Variants in GALNT13 observed in about 807,000 individuals in gnomAD.
GALNT13 encodes the protein UDP-GalNAc:polypeptide N-acetylgalactosaminyltransferase 13.
In GALNT13, 28 loss-of-function variants were observed where a neutral mutation model predicts 64.2. The ratio of observed to expected loss-of-function variants is 0.44; its 90% confidence interval spans 0.32 to 0.60. The LOEUF (loss-of-function observed/expected upper bound fraction) is 0.60, where lower values mean the gene tolerates loss of function less well. GALNT13 is among the 20% of genes least tolerant of loss of function. GALNT13 has a pLI of 0.05. For synonymous variants in GALNT13, 214 were observed against 224.6 expected (o/e 0.95, Z 0.42); for missense variants, 577 against 669.8 (o/e 0.86, Z 1.53).
chr2:153,456,880 G>T, the GALNT13 span, among the ~76,000 whole-genome samples: 1 of 152,178 alleles, frequency 6.6e-6, no homozygotes, highest in African/African-American at 2.4e-5. Flanking sequence ...TGAATGCAGG[G>T]TCCAGGCGGA....
the GALNT13 span, among the ~76,000 whole-genome samples, chr2:153,653,354 C>G: frequency 6.6e-6 from 1 of 152,092 alleles, no homozygotes; most frequent in Non-Finnish European, 1.5e-5. Context: ...ATGGCGAGAC[C>G]TTCATAAACC....
intron 3 of GALNT13, among the ~76,000 whole-genome samples, chr2:153,977,707 C>T (rs1209074199): frequency 6.6e-6 from 1 of 152,120 alleles, no homozygotes; most frequent in Non-Finnish European, 1.5e-5. Context: ...TAGAGAAATG[C>T]AAAATCTCAA....
At chr2:153,342,245 T>C in the GALNT13 span, among the ~76,000 whole-genome samples, 2 of 152,324 alleles carry the variant, frequency 1.3e-5, no homozygotes, top group Admixed American at 6.5e-5. Flanking sequence ...ATGGCGACTG[T>C]TGTCTATTTA....
chr2:153,215,641 C>T, the GALNT13 span, among the ~76,000 whole-genome samples: 1 of 151,974 alleles, frequency 6.6e-6, no homozygotes, highest in African/African-American at 2.4e-5. Flanking sequence ...CTGATGCTTT[C>T]TCTAGTATTC....
chr2:153,955,593 C>T (rs1339120906), intron 3 of GALNT13, among the ~76,000 whole-genome samples: 1 of 152,158 alleles, frequency 6.6e-6, no homozygotes, highest in African/African-American at 2.4e-5. Context: ...TAACCTTGTT[C>T]TTTACGAAAA....
intron 4 of GALNT13, among the ~76,000 whole-genome samples, chr2:154,216,426 G>A (rs567068343): frequency 1.2e-4 from 19 of 152,122 alleles, no homozygotes; most frequent in African/African-American, 3.9e-4. Flanking sequence ...AATTTAAGAC[G>A]TTGGTGAAGA....
At chr2:154,255,806 C>T (rs760969372) in intron 7 of GALNT13, among the ~76,000 whole-genome samples, 5 of 152,022 alleles carry the variant, frequency 3.3e-5, no homozygotes, top group East Asian at 3.9e-4. Flanking sequence ...AATCCCAGCA[C>T]GTTGAGAGGC....
At chr2:153,574,604 T>C in the GALNT13 span, among the ~76,000 whole-genome samples, 1 of 152,286 alleles carries the variant, frequency 6.6e-6, no homozygotes, top group Admixed American at 6.5e-5. Flanking sequence ...TCAGTAGTTC[T>C]TTCTTCTGCC....
the GALNT13 span, among the ~76,000 whole-genome samples, chr2:153,174,361 T>G: frequency 6.6e-6 from 1 of 152,190 alleles, no homozygotes; most frequent in Non-Finnish European, 1.5e-5. Flanking sequence ...AGGATGGCAG[T>G]GTTTATGCTG....
At chr2:154,312,049 G>A in intron 9 of GALNT13, among the ~76,000 whole-genome samples, 1 of 152,072 alleles carries the variant, frequency 6.6e-6, no homozygotes. Context: ...AGGGTCCTGA[G>A]ACGATATACA....
the GALNT13 span, among the ~76,000 whole-genome samples, chr2:153,713,101 A>G: frequency 6.6e-6 from 1 of 152,220 alleles, no homozygotes; most frequent in Non-Finnish European, 1.5e-5. Context: ...AACAAAGTAT[A>G]TGGCAGATAC....
chr2:153,411,094 C>G, the GALNT13 span, among the ~76,000 whole-genome samples: 21 of 151,476 alleles, frequency 1.4e-4, no homozygotes, highest in African/African-American at 7.3e-5. Context: ...GAGCTCAAGC[C>G]ATTTGCCCAC....
chr2:154,049,411 T>G (rs918931483), intron 3 of GALNT13, among the ~76,000 whole-genome samples: 9 of 148,104 alleles, frequency 6.1e-5, no homozygotes, highest in African/African-American at 2.2e-4. Flanking sequence ...GATATATGAA[T>G]ATATGGATAT....
chr2:153,483,249 T>C, the GALNT13 span, among the ~76,000 whole-genome samples: 1 of 152,080 alleles, frequency 6.6e-6, no homozygotes, highest in Non-Finnish European at 1.5e-5. Flanking sequence ...ATTGAAATCA[T>C]GTACTTAAAC....
chr2:153,979,207 A>G (rs1055818563), intron 3 of GALNT13, among the ~76,000 whole-genome samples: 1 of 152,162 alleles, frequency 6.6e-6, no homozygotes, highest in Non-Finnish European at 1.5e-5. Context: ...ACATTTACTT[A>G]TAATGAATTA....
At chr2:153,104,881 CT>C in the GALNT13 span, among the ~76,000 whole-genome samples, 100 of 151,734 alleles carry the variant, frequency 6.6e-4, no homozygotes, top group African/African-American at 2.3e-3. Context: ...ACTTCCTTTT[CT>C]TTTTTTTATT....
chr2:153,222,327 T>TGGGGGGGGGGGGGGGGGGG, the GALNT13 span, among the ~76,000 whole-genome samples: 1 of 95,582 alleles, frequency 1.0e-5, no homozygotes, highest in Non-Finnish European at 2.1e-5. Flanking sequence ...GGGGGGGGGG[T>TGGGGGGGGGGGGGGGGGGG]GGGGTGGGGG....
At chr2:153,403,240 G>GGGGGTCA in the GALNT13 span, among the ~76,000 whole-genome samples, 2 of 150,620 alleles carry the variant, frequency 1.3e-5, no homozygotes, top group Non-Finnish European at 3.0e-5. Context: ...TAGGCTGCTC[G>GGGGGTCA]GGGGTCAGGG....
chr2:153,818,580 C>T, the GALNT13 span, among the ~76,000 whole-genome samples: 6 of 152,312 alleles, frequency 3.9e-5, no homozygotes, highest in Non-Finnish European at 5.9e-5. Flanking sequence ...CTGCCCCTGC[C>T]GGAACACTGT....
Sources: allele counts gnomAD v4.1 joint callset (sites outside exome capture counted in the v4.1 genomes callset), GRCh38; gene constraint gnomAD v4.1.1; transcripts MANE v1.5; gene names NCBI Gene and HGNC (gene_info 2026-07-23, HGNC 2026-07-21).